The following ALG5 variants were observed in gnomAD, a reference collection of about 807,000 sequenced individuals.
The protein encoded by ALG5 is dolichyl-phosphate beta-glucosyltransferase.
Under a neutral mutation model 51.8 loss-of-function variants are expected in ALG5, and 26 were observed. The observed-to-expected ratio is 0.50, with a 90% CI of 0.37 to 0.70. The LOEUF (loss-of-function observed/expected upper bound fraction) is 0.70, where lower values mean the gene tolerates loss of function less well. Ranked by LOEUF, ALG5 falls within the 30% of genes least tolerant of loss-of-function variation. ALG5 has a pLI of 0.00. For synonymous variants in ALG5, 141 were observed against 136.1 expected, an observed-to-expected ratio of 1.04 and a Z score of -0.25; for missense variants, 311 against 399.3, an observed-to-expected ratio of 0.78 and a Z score of 1.88.
intron 7 of ALG5, 68 bp from the exon 8 acceptor site, chr13:36,965,794 G>A: frequency 7.3e-7 from 1 of 1,366,136 alleles, no homozygotes; most frequent in South Asian, 1.3e-5. Flanking sequence ...AAAACACCTG[G>A]CTGTAGACAA....
At chr13:36,985,826 C>A in intron 5 of ALG5, 86 bp from the exon 6 acceptor site, 1 of 825,830 alleles carries the variant, frequency 1.2e-6, no homozygotes, top group Non-Finnish European at 1.9e-6. Flanking sequence ...ACTTAAAATA[C>A]CTAAGAGTGA....
At chr13:36,979,146 A>C (rs2058967491) in intron 6 of ALG5, among the ~76,000 whole-genome samples, 1 of 151,946 alleles carries the variant, frequency 6.6e-6, no homozygotes. Flanking sequence ...CCTCCTGAGT[A>C]GCTGGGACTA....
intron 8 of ALG5, among the ~76,000 whole-genome samples, chr13:36,957,540 A>G (rs2058845839): frequency 6.6e-6 from 1 of 152,104 alleles, no homozygotes; most frequent in African/African-American, 2.4e-5. Context: ...GGAGGCCACA[A>G]TCCTCAGGAA....
In ALG5 at chr13:36,985,759, A is replaced by G. The variant is rs2058999324; in HGVS notation, c.448-19T>C. The G allele has an allele frequency of 6.4e-7, 1 of 1,561,940 alleles. No homozygotes were observed. The highest frequency in any genetic ancestry group is 8.8e-7 in the Non-Finnish European group (1 of 1,140,758). On this transcript the variant is annotated intron_variant, in intron 5 of 9. Coordinates refer to ENST00000239891, the MANE Select transcript of ALG5 (RefSeq NM_013338.5). Reference sequence around the variant, plus strand: ...ATATACCCTGTATTTTAAAATTTCAAGTCAAAGAAAATTGGTTAAAACTCA... The same window carrying G: ...ATATACCCTGTATTTTAAAATTTCAGGTCAAAGAAAATTGGTTAAAACTCA...
intron 1 of ALG5, among the ~76,000 whole-genome samples, chr13:36,995,885 A>G (rs1246175185): frequency 1.3e-5 from 2 of 152,178 alleles, no homozygotes; most frequent in Admixed American, 1.3e-4. Context: ...GCTACAATAA[A>G]GGTCAGTCAC....
At chr13:36,989,309 T>G (rs1260149037) in intron 5 of ALG5, among the ~76,000 whole-genome samples, 175 bp downstream of exon 5, 2 of 152,220 alleles carry the variant, frequency 1.3e-5, no homozygotes, top group Non-Finnish European at 2.9e-5. Flanking sequence ...ACCCACTATA[T>G]TATAGATATG....
At chr13:36,994,368 G>C (rs1273161487) in intron 3 of ALG5, among the ~76,000 whole-genome samples, 2 of 151,970 alleles carry the variant, frequency 1.3e-5, no homozygotes, top group Non-Finnish European at 2.9e-5. Context: ...TCCCTCCAAG[G>C]GGATTCCAAT....
rs556027340 is a variant in ALG5, at chr13:36,990,607, C to T, written c.355-1031G>A. ...TAGCTTATATTTATGAATCTCACGT[C>T]TGTTTAGAGCCCAGACTCTTCTCTC... On this transcript the variant is annotated intron_variant, in intron 4 of 9. Transcript: ENST00000239891. Among the ~76,000 whole-genome samples, 3 of 145,218 alleles carry T rather than the reference C, an allele frequency of 2.1e-5. No individual in the cohort carries two copies. In the East Asian group the frequency reaches 6.1e-4, roughly 30 times the overall value.
At chr13:36,995,342 G>T in intron 2 of ALG5, 83 bp downstream of exon 2, 1 of 1,405,840 alleles carries the variant, frequency 7.1e-7, no homozygotes, top group Non-Finnish European at 9.8e-7. Context: ...TAATGTTTTG[G>T]CAAAGACAGT....
chr13:36,958,565 G>A (rs1203554364), intron 8 of ALG5, among the ~76,000 whole-genome samples: 2 of 152,130 alleles, frequency 1.3e-5, no homozygotes, highest in African/African-American at 4.8e-5. Flanking sequence ...TCAACTGCAT[G>A]ACCCCTACTA....
intron 6 of ALG5, among the ~76,000 whole-genome samples, chr13:36,981,641 T>A (rs2058979706): frequency 6.6e-6 from 1 of 151,946 alleles, no homozygotes; most frequent in Non-Finnish European, 1.5e-5. Flanking sequence ...CACACCAGTA[T>A]AGAGATGGAG....
rs562812848 is a variant in ALG5, at chr13:36,952,506, A to G, written c.859+8T>C. On this transcript the variant is annotated splice_region_variant and intron_variant, in intron 9 of 9. Transcript: ENST00000239891. ...TCAAGACAATCATACAATAAACAAT[A>G]TACTCACCTTCAATTTCTGTCCAGT... 2 of 1,583,280 alleles carry G rather than the reference A, an allele frequency of 1.3e-6. No individual in the cohort carries two copies. The highest frequency in any genetic ancestry group is 3.6e-5 in the Admixed American group (2 of 55,844).
At chr13:36,972,782 G>C (rs137876849) in intron 6 of ALG5, among the ~76,000 whole-genome samples, 2,163 of 152,200 alleles carry the variant, frequency 0.014, 20 homozygotes, top group Middle Eastern at 0.058. Flanking sequence ...CACGAGGTCA[G>C]GAGATCGAGA....
intron 8 of ALG5, among the ~76,000 whole-genome samples, chr13:36,965,305 A>T (rs73539782): frequency 6.6e-6 from 1 of 151,428 alleles, no homozygotes; most frequent in Non-Finnish European, 1.5e-5. Context: ...TTTTTTCTTC[A>T]AAGGAAAAAA....
At chr13:36,976,961 A>G (rs1184648576) in intron 6 of ALG5, among the ~76,000 whole-genome samples, 1 of 152,234 alleles carries the variant, frequency 6.6e-6, no homozygotes, top group African/African-American at 2.4e-5. Flanking sequence ...TACATAAAAA[A>G]GAACATACTT....
chr13:36,989,451 A>G, intron 5 of ALG5, 33 bp downstream of exon 5: 1 of 1,528,266 alleles, frequency 6.5e-7, no homozygotes, highest in South Asian at 1.1e-5. Flanking sequence ...ATACCTTCAT[A>G]TTTTAGATAA....
intron 1 of ALG5, among the ~76,000 whole-genome samples, chr13:36,996,656 G>A (rs2059052167): frequency 6.6e-6 from 1 of 152,050 alleles, no homozygotes; most frequent in Non-Finnish European, 1.5e-5. Flanking sequence ...GACAAAAACT[G>A]GGTAAGATGC....
intron 7 of ALG5, among the ~76,000 whole-genome samples, chr13:36,969,432 G>T (rs1242257373): frequency 6.7e-6 from 1 of 149,572 alleles, no homozygotes; most frequent in Non-Finnish European, 1.5e-5. Context: ...AAAAAAAAAA[G>T]AAAGAAAAAA....
intron 8 of ALG5, among the ~76,000 whole-genome samples, chr13:36,961,240 T>A (rs551908701): frequency 6.6e-6 from 1 of 151,832 alleles, no homozygotes; most frequent in South Asian, 2.1e-4. Flanking sequence ...TGTGGCAAAC[T>A]CTGTCTCTAC....
Sources: gnomAD v4.1 joint callset for allele counts (sites outside exome capture counted in the v4.1 genomes callset) on GRCh38, gnomAD v4.1.1 for gene constraint, MANE v1.5 for transcripts, NCBI Gene and HGNC (gene_info 2026-07-23, HGNC 2026-07-21) for gene names.